Variants in TRPM6 observed in about 807,000 individuals in gnomAD.
TRPM6 encodes the protein channel kinase 2.
TRPM6 carries 111 observed loss-of-function variants against 247.6 expected under a neutral mutation model. The ratio of observed to expected loss-of-function variants is 0.45; its 90% confidence interval spans 0.38 to 0.52. The LOEUF (loss-of-function observed/expected upper bound fraction) is 0.52. TRPM6 is among the 20% of genes least tolerant of loss of function. The pLI is 0.00. For missense variants in TRPM6, 2,126 were observed against 2,421.5 expected (o/e 0.88, Z 2.56); for synonymous variants, 892 against 853.8 (o/e 1.04, Z -0.78).
intron 3 of TRPM6, among the ~76,000 whole-genome samples, chr9:74,842,939 C>T (rs1196299357): frequency 4.6e-5 from 7 of 152,292 alleles, no homozygotes; most frequent in African/African-American, 1.4e-4. Context: ...AAGTTGGCCA[C>T]ATTGATTAAC....
At chr9:74,783,347 G>C (rs1227879999) in intron 21 of TRPM6, among the ~76,000 whole-genome samples, 2 of 152,174 alleles carry the variant, frequency 1.3e-5, no homozygotes, top group African/African-American at 4.8e-5. Context: ...GTAACAGACA[G>C]AGCACTCACC....
chr9:74,810,914 G>A, intron 12 of TRPM6, 46 bp from the exon 13 acceptor site: 1 of 1,508,970 alleles, frequency 6.6e-7, no homozygotes, highest in Non-Finnish European at 9.2e-7. Context: ...TAATTACCAT[G>A]TGCTGGGGGG....
At chr9:74,847,848 G>A (rs760310576) in intron 3 of TRPM6, among the ~76,000 whole-genome samples, 9 of 152,060 alleles carry the variant, frequency 5.9e-5, no homozygotes, top group Admixed American at 3.9e-4. Context: ...TATGAAGCCC[G>A]TCTCAAGAAA....
chr9:74,760,753 C>T (rs1211114329), intron 27 of TRPM6, among the ~76,000 whole-genome samples: 1 of 152,126 alleles, frequency 6.6e-6, no homozygotes, highest in Non-Finnish European at 1.5e-5. Flanking sequence ...ACTTAATTCC[C>T]AGTGTAATCA....
At chr9:74,868,727 A>T (rs1341287623) in intron 1 of TRPM6, among the ~76,000 whole-genome samples, 1 of 152,186 alleles carries the variant, frequency 6.6e-6, no homozygotes, top group Admixed American at 6.5e-5. Context: ...AAGGTTTTAA[A>T]AGGTGGCGAG....
At chr9:74,757,070 T>C (rs1458641471) in intron 27 of TRPM6, among the ~76,000 whole-genome samples, 1 of 151,466 alleles carries the variant, frequency 6.6e-6, no homozygotes, top group Non-Finnish European at 1.5e-5. Flanking sequence ...CCCAGCTACT[T>C]GGGAGGCTGA....
At chr9:74,866,457 AT>A (rs1222798911) in intron 1 of TRPM6, among the ~76,000 whole-genome samples, 5 of 152,078 alleles carry the variant, frequency 3.3e-5, no homozygotes, top group African/African-American at 9.6e-5. Context: ...AGTAGGTTTG[AT>A]TTTTTTGGGG....
rs187463196 is a variant in TRPM6 at position 74,786,826 on chromosome 9, A to G, written c.2668-701T>C. On this transcript the variant is annotated intron_variant, in intron 20 of 38. Coordinates refer to ENST00000360774, the MANE Select transcript of TRPM6 (RefSeq NM_017662.5). ...ATTTCAGGAGGCACAGCAGGGTGCAAAGAACACTGGATGGAGCAAGGAATC... is the reference window on the plus strand; with the variant it reads ...ATTTCAGGAGGCACAGCAGGGTGCAGAGAACACTGGATGGAGCAAGGAATC... Among the ~76,000 whole-genome samples, 4 of 152,322 alleles carry G rather than the reference A, an allele frequency of 2.6e-5. No individual in the cohort carries two copies. The East Asian group carries it at 7.7e-4, about 29-fold the overall frequency.
chr9:74,871,193 A>G (rs192418648), intron 1 of TRPM6, among the ~76,000 whole-genome samples: 1 of 139,380 alleles, frequency 7.2e-6, no homozygotes, highest in Non-Finnish European at 1.6e-5. Context: ...TTTCTAATAG[A>G]TAATATTGCA....
At chr9:74,735,027 A>G (rs565156991) in intron 36 of TRPM6, among the ~76,000 whole-genome samples, 2 of 152,228 alleles carry the variant, frequency 1.3e-5, no homozygotes, top group South Asian at 4.1e-4. Context: ...GGCCTGGCCA[A>G]CATGGTGAAA....
intron 25 of TRPM6, 152 bp downstream of exon 25, chr9:74,771,551 T>A (rs578032892): frequency 1.4e-6 from 1 of 726,124 alleles, no homozygotes; most frequent in East Asian, 2.8e-5. Flanking sequence ...TAAATATACT[T>A]TGATTACATG....
intron 23 of TRPM6, among the ~76,000 whole-genome samples, chr9:74,779,531 T>G (rs1827342670): frequency 6.6e-6 from 1 of 152,176 alleles, no homozygotes. Context: ...CTTTTGTTAC[T>G]TGTTATATTT....
At chr9:74,850,661 T>C (rs558829851) in intron 3 of TRPM6, among the ~76,000 whole-genome samples, 1 of 150,148 alleles carries the variant, frequency 6.7e-6, no homozygotes, top group Admixed American at 6.7e-5. Context: ...CAGAGGTTAC[T>C]GTGAGCCGAG....
intron 20 of TRPM6, 126 bp downstream of exon 20, chr9:74,788,488 A>G: frequency 9.1e-7 from 1 of 1,101,508 alleles, no homozygotes; most frequent in Non-Finnish European, 1.4e-6. Flanking sequence ...AGTCAAGGTC[A>G]GTGTGTCCTG....
intron 18 of TRPM6, 91 bp from the exon 19 acceptor site, chr9:74,792,861 A>G (rs1587511615): frequency 7.8e-7 from 1 of 1,277,246 alleles, no homozygotes; most frequent in East Asian, 2.5e-5. Flanking sequence ...TAAATAATAT[A>G]TTAGAAATTA....
chr9:74,789,585 A>G (rs1460676735), intron 19 of TRPM6, among the ~76,000 whole-genome samples: 1 of 152,238 alleles, frequency 6.6e-6, no homozygotes, highest in Non-Finnish European at 1.5e-5. Context: ...TTACACTATT[A>G]TCAACAATGT....
chr9:74,885,792 G>A (rs1373003447), intron 1 of TRPM6, among the ~76,000 whole-genome samples: 2 of 152,148 alleles, frequency 1.3e-5, no homozygotes, highest in Non-Finnish European at 2.9e-5. Flanking sequence ...AACACAGTGA[G>A]GCCAGGCACA....
At chr9:74,791,114 G>T (rs138832295) in intron 19 of TRPM6, among the ~76,000 whole-genome samples, 274 of 152,330 alleles carry the variant, frequency 1.8e-3, no homozygotes, top group African/African-American at 6.3e-3. Context: ...GGGAAGAAAT[G>T]CCTAAATACG....
At chr9:74,739,651 A>T (rs1421589195) in intron 34 of TRPM6, 72 bp downstream of exon 34, 1 of 1,592,440 alleles carries the variant, frequency 6.3e-7, no homozygotes, top group East Asian at 2.2e-5. Context: ...ATGGCCTTAG[A>T]TAAGGATGTA....
Sources: gnomAD v4.1 joint callset for allele counts (sites outside exome capture counted in the v4.1 genomes callset) on GRCh38, gnomAD v4.1.1 for gene constraint, MANE v1.5 for transcripts, NCBI Gene and HGNC (gene_info 2026-07-23, HGNC 2026-07-21) for gene names.